The following GPHN variants were observed in gnomAD, a reference collection of about 807,000 sequenced individuals.
GPHN encodes the protein gephyrin.
Under a neutral mutation model 95.5 loss-of-function variants are expected in GPHN, and 17 were observed. The observed-to-expected ratio is 0.18, with a 90% confidence interval of 0.12 to 0.27. The LOEUF (loss-of-function observed/expected upper bound fraction) is 0.27. Among genes scored for constraint, GPHN ranks in the 10% least tolerant of loss-of-function variants. GPHN has a pLI of 1.00. For synonymous variants in GPHN, 320 were observed against 322.5 expected (o/e 0.99, Z 0.08); for missense variants, 660 against 978.1 (o/e 0.67, Z 4.34).
rs1045281954 is a variant in GPHN, at chr14:66,713,756, ATTTG to A, written c.143+32587_143+32590del. Among the ~76,000 whole-genome samples, 16 of 139,336 alleles carry A rather than the reference ATTTG, an allele frequency of 1.1e-4. 1 individual carries two copies. The highest frequency in any genetic ancestry group is 2.2e-4 in the African/African-American group (8 of 36,814). The allele number at this position is 139,336 out of a possible 152,430, so 91.4% of individuals were successfully genotyped here. A position where few individuals can be genotyped will look rare whatever the true frequency, so the allele number is the denominator to read the frequency against. On this transcript the variant is annotated intron_variant, in intron 2 of 22. Coordinates refer to ENST00000478722, the MANE Select transcript of GPHN (RefSeq NM_020806.5). ...TCATTTTCTTTGTTGTTTTTTTTTTATTTGTTTGTTTGTTTGTTTATTTTGTTTT... is the reference window on the plus strand; with the variant it reads ...TCATTTTCTTTGTTGTTTTTTTTTTATTTGTTTGTTTGTTTATTTTGTTTT...
chr14:66,848,312 G>A (rs1226609354), intron 4 of GPHN, among the ~76,000 whole-genome samples: 2 of 151,982 alleles, frequency 1.3e-5, no homozygotes, highest in Non-Finnish European at 2.9e-5. Context: ...TCGCCCTACA[G>A]AGTTCTTAAG....
intron 8 of GPHN, among the ~76,000 whole-genome samples, chr14:66,956,804 G>A (rs1057124755): frequency 1.5e-4 from 23 of 152,104 alleles, no homozygotes; most frequent in African/African-American, 4.8e-4. Context: ...ATGAGTTCAT[G>A]TCCTTTGTAG....
chr14:67,657,641 C>CCAGCTCACAG, the GPHN span, among the ~76,000 whole-genome samples: 3 of 151,338 alleles, frequency 2.0e-5, no homozygotes, highest in Non-Finnish European at 4.4e-5. Context: ...CAAAAGGGAC[C>CCAGCTCACAG]CAGCTCACAG....
chr14:67,651,703 TA>T, the GPHN span: 82,721 of 384,142 alleles, frequency 0.22, 10,461 homozygotes, highest in East Asian at 0.41. Context: ...AACCAAAGCA[TA>T]AAAATGGATT....
chr14:67,489,670 A>C, the GPHN span, among the ~76,000 whole-genome samples: 26 of 152,188 alleles, frequency 1.7e-4, no homozygotes, highest in African/African-American at 6.3e-4. Context: ...CCATCCTTCA[A>C]CTGAAACATG....
chr14:67,481,381 C>T, the GPHN span, among the ~76,000 whole-genome samples: 3 of 152,138 alleles, frequency 2.0e-5, no homozygotes, highest in African/African-American at 7.2e-5. Context: ...CAGCAGGAAG[C>T]CATGGGTAGT....
chr14:67,358,661 C>G, the GPHN span, among the ~76,000 whole-genome samples: 1 of 152,182 alleles, frequency 6.6e-6, no homozygotes, highest in Admixed American at 6.5e-5. Context: ...GATCATACCA[C>G]TGCACCCCAG....
the GPHN span, chr14:67,302,218 C>T: frequency 3.8e-6 from 5 of 1,315,516 alleles, no homozygotes; most frequent in Non-Finnish European, 5.1e-6. Flanking sequence ...TAGAGTATTT[C>T]TGAAGCAGAA....
At chr14:67,235,043 C>T in the GPHN span, among the ~76,000 whole-genome samples, 1 of 151,808 alleles carries the variant, frequency 6.6e-6, no homozygotes, top group Non-Finnish European at 1.5e-5. Flanking sequence ...GTAATCCCAG[C>T]TACTAGGGAG....
chr14:67,295,314 G>T, the GPHN span, among the ~76,000 whole-genome samples: 3 of 151,432 alleles, frequency 2.0e-5, no homozygotes, highest in South Asian at 4.2e-4. Flanking sequence ...GTGAAACCTG[G>T]TCTCTACTAA....
intron 9 of GPHN, among the ~76,000 whole-genome samples, chr14:67,008,718 G>A (rs371262284): frequency 2.0e-5 from 3 of 151,718 alleles, no homozygotes; most frequent in African/African-American, 7.2e-5. Context: ...CTAATTTTTT[G>A]TGTTTTTAGT....
chr14:67,127,605 A>C (rs1176377811), intron 17 of GPHN, among the ~76,000 whole-genome samples: 2 of 152,200 alleles, frequency 1.3e-5, no homozygotes, highest in Non-Finnish European at 2.9e-5. Context: ...ACAAGCTCCA[A>C]AATTATACCA....
intron 17 of GPHN, among the ~76,000 whole-genome samples, chr14:67,142,163 C>T (rs1383376984): frequency 6.6e-6 from 1 of 152,004 alleles, no homozygotes; most frequent in African/African-American, 2.4e-5. Context: ...AAGAGTCAGG[C>T]GGTATAAATA....
intron 1 of GPHN, among the ~76,000 whole-genome samples, chr14:66,637,835 G>A (rs986567838): frequency 6.6e-6 from 1 of 152,118 alleles, no homozygotes; most frequent in Non-Finnish European, 1.5e-5. Flanking sequence ...ATCTTAGAAA[G>A]TCAGTGGCCT....
intron 18 of GPHN, among the ~76,000 whole-genome samples, chr14:67,158,572 G>T (rs931096803): frequency 2.6e-5 from 4 of 152,134 alleles, no homozygotes; most frequent in Non-Finnish European, 5.9e-5. Context: ...AATGTAGACA[G>T]GTTACTGGAC....
chr14:67,678,511 C>T, the GPHN span: 1 of 803,126 alleles, frequency 1.2e-6, no homozygotes. Context: ...ATAAAAACAA[C>T]TAGGGATCAC....
chr14:67,219,115 A>G, the GPHN span, among the ~76,000 whole-genome samples: 1 of 152,046 alleles, frequency 6.6e-6, no homozygotes, highest in African/African-American at 2.4e-5. Flanking sequence ...GGGAGTAGGA[A>G]GTGCATACCT....
the GPHN span, among the ~76,000 whole-genome samples, chr14:67,527,994 C>T: frequency 6.6e-6 from 1 of 152,180 alleles, no homozygotes; most frequent in Non-Finnish European, 1.5e-5. Context: ...CCACGCTCTC[C>T]CTCTCCTACA....
At chr14:66,850,269 T>G (rs979943079) in intron 4 of GPHN, among the ~76,000 whole-genome samples, 6 of 152,268 alleles carry the variant, frequency 3.9e-5, no homozygotes, top group Admixed American at 1.3e-4. Flanking sequence ...ACACAATTAT[T>G]TTGCTTGGCA....
Sources: gnomAD v4.1 joint callset for allele counts (sites outside exome capture counted in the v4.1 genomes callset) on GRCh38, gnomAD v4.1.1 for gene constraint, MANE v1.5 for transcripts, NCBI Gene and HGNC (gene_info 2026-07-23, HGNC 2026-07-21) for gene names.